The following MYBPC1 variants were observed in gnomAD, a reference collection of about 807,000 sequenced individuals.
MYBPC1 encodes myosin-binding protein C, slow-type.
In MYBPC1, 52 loss-of-function variants were observed where a neutral mutation model predicts 147.1. The observed-to-expected ratio is 0.35, with a 90% CI of 0.28 to 0.45. The LOEUF is 0.45. Among genes scored for constraint, MYBPC1 ranks in the 20% least tolerant of loss-of-function variants. The pLI, the probability that MYBPC1 is intolerant of heterozygous loss-of-function variation, is 1.00. For synonymous variants in MYBPC1, 477 were observed against 475.9 expected, an observed-to-expected ratio of 1.00 and a Z score of -0.03; for missense variants, 1,228 against 1,440.3, an observed-to-expected ratio of 0.85 and a Z score of 2.39.
the MYBPC1 span, among the ~76,000 whole-genome samples, chr12:101,693,609 C>G: frequency 6.6e-6 from 1 of 152,114 alleles, no homozygotes; most frequent in Non-Finnish European, 1.5e-5. Context: ...GGTGTGGTGG[C>G]ACATGCCTAT....
chr12:101,612,021 G>A (rs1324008706), intron 1 of MYBPC1, among the ~76,000 whole-genome samples: 1 of 149,930 alleles, frequency 6.7e-6, no homozygotes, highest in South Asian at 2.1e-4. Flanking sequence ...ACGTTGCAGT[G>A]AGCCAAGGTC....
chr12:101,665,357 G>A lies in MYBPC1; in HGVS notation c.2356+1797G>A, dbSNP rs556612187. On this transcript the variant is annotated intron_variant, in intron 22 of 31. Coordinates refer to ENST00000361466, the MANE Select transcript of MYBPC1 (RefSeq NM_002465.4). Reference sequence around the variant, plus strand: ...GCCGACTCTTCATTCTCTTTTAATGGCTGTTGTCCTCCAGACTAATTTTCT... The same window carrying A: ...GCCGACTCTTCATTCTCTTTTAATGACTGTTGTCCTCCAGACTAATTTTCT... Among the ~76,000 whole-genome samples the A allele has an allele frequency of 5.3e-5, 8 of 152,098 alleles. No homozygotes were observed. In the East Asian group the frequency reaches 1.5e-3, roughly 29 times the overall value.
At chr12:101,666,435 C>A in intron 22 of MYBPC1, 1 of 358,506 alleles carries the variant, frequency 2.8e-6, no homozygotes, top group Non-Finnish European at 5.3e-6. Context: ...TTGCTTTGTT[C>A]TTCTCTATCT....
chr12:101,611,981 G>C (rs1884447526), intron 1 of MYBPC1, among the ~76,000 whole-genome samples: 3 of 151,894 alleles, frequency 2.0e-5, no homozygotes, highest in African/African-American at 7.3e-5. Context: ...GGAGGCTGAG[G>C]CAGGAGAATT....
chr12:101,652,498 A>G (rs1894686161), intron 16 of MYBPC1, among the ~76,000 whole-genome samples, 180 bp from the exon 17 acceptor site: 1 of 152,138 alleles, frequency 6.6e-6, no homozygotes, highest in South Asian at 2.1e-4. Flanking sequence ...ATTTGAATCA[A>G]TAAGTAGGAT....
In MYBPC1 at chr12:101,685,589, C is replaced by T. The variant is rs908626131; in HGVS notation, c.*27C>T. 2.6e-6 allele frequency: 4 copies of T among 1,530,992 alleles called. No individual in the cohort carries two copies. In the African/African-American group the frequency reaches 4.1e-5, roughly 16 times the overall value. 94.8% of individuals were successfully genotyped at this position (1,530,992 alleles called of 1,614,324 possible). On this transcript the variant is annotated 3_prime_UTR_variant, in exon 32 of 32. Transcript: ENST00000361466. ...CCTTTTGGTCCTCTCTAGGTGGGCT[C>T]TCCTTCTGCAGACTCCTCTTGCAAG...
chr12:101,679,107 C>G (rs976058757), intron 28 of MYBPC1, among the ~76,000 whole-genome samples: 30 of 150,124 alleles, frequency 2.0e-4, no homozygotes, highest in African/African-American at 7.4e-4. Flanking sequence ...TGAGATAGCA[C>G]CACTGCACTC....
chr12:101,610,018 G>A (rs1052363641), intron 1 of MYBPC1, among the ~76,000 whole-genome samples: 17 of 152,146 alleles, frequency 1.1e-4, no homozygotes, highest in Admixed American at 1.1e-3. Flanking sequence ...ACCTGTCAGA[G>A]ACAAACATAT....
chr12:101,603,690 C>A (rs1402194234), intron 1 of MYBPC1, among the ~76,000 whole-genome samples: 1 of 152,166 alleles, frequency 6.6e-6, no homozygotes, highest in South Asian at 2.1e-4. Context: ...GCCTGTAATC[C>A]CAGCATTTTG....
chr12:101,687,513 G>T (rs143230200), downstream of MYBPC1, among the ~76,000 whole-genome samples: 684 of 152,178 alleles, frequency 4.5e-3, 3 homozygotes, highest in African/African-American at 0.015. Context: ...GAGTAGTGCC[G>T]CAATAAACAT....
intron 22 of MYBPC1, 39 bp downstream of exon 22, chr12:101,663,599 A>G (rs760618227): frequency 1.7e-5 from 28 of 1,600,854 alleles, no homozygotes; most frequent in African/African-American, 6.7e-5. Flanking sequence ...ACTGTCATCA[A>G]TAGGTGAGAT....
chr12:101,675,163 C>T, intron 25 of MYBPC1, 129 bp from the exon 26 acceptor site: 2 of 1,282,554 alleles, frequency 1.6e-6, no homozygotes, highest in Non-Finnish European at 2.2e-6. Flanking sequence ...CAGAAGCCCC[C>T]ATGGTAGGGT....
At chr12:101,646,915 A>C (rs1893273079) in intron 13 of MYBPC1, 28 bp downstream of exon 13, 1 of 1,613,682 alleles carries the variant, frequency 6.2e-7, no homozygotes. Flanking sequence ...TATTGTGGTC[A>C]CCAGGAGCTG....
chr12:101,628,476 T>G (rs1353328858), intron 5 of MYBPC1, among the ~76,000 whole-genome samples: 1 of 152,226 alleles, frequency 6.6e-6, no homozygotes, highest in Non-Finnish European at 1.5e-5. Flanking sequence ...GATGGCCTAC[T>G]ACTACAGATA....
intron 1 of MYBPC1, among the ~76,000 whole-genome samples, chr12:101,611,080 T>C (rs973456006): frequency 5.9e-5 from 9 of 152,260 alleles, no homozygotes; most frequent in African/African-American, 1.9e-4. Context: ...TCACTGGCTA[T>C]AAAGTAAAGA....
intron 1 of MYBPC1, among the ~76,000 whole-genome samples, chr12:101,610,624 C>T (rs1883926065): frequency 6.6e-6 from 1 of 152,202 alleles, no homozygotes; most frequent in African/African-American, 2.4e-5. Flanking sequence ...GCATTCATTC[C>T]TGCCAATAAC....
At chr12:101,603,277 G>C (rs367710826) in intron 1 of MYBPC1, among the ~76,000 whole-genome samples, 1 of 151,960 alleles carries the variant, frequency 6.6e-6, no homozygotes, top group South Asian at 2.1e-4. Flanking sequence ...CTGGGAGAAC[G>C]GAGGTTGTGG....
At chr12:101,675,492 G>A (rs1899754447) in intron 26 of MYBPC1, 61 bp downstream of exon 26, 4 of 1,608,678 alleles carry the variant, frequency 2.5e-6, no homozygotes, top group Non-Finnish European at 1.7e-6. Context: ...AGAGGTAAAG[G>A]AGATGGCACA....
At chr12:101,615,655 A>AAC (rs1885699608) in intron 2 of MYBPC1, among the ~76,000 whole-genome samples, 1 of 48,170 alleles carries the variant, frequency 2.1e-5, no homozygotes, top group Non-Finnish European at 3.5e-5. Flanking sequence ...TATTATAAGA[A>AAC]CCCCCCGCCC....
Sources: allele counts gnomAD v4.1 joint callset (sites outside exome capture counted in the v4.1 genomes callset), GRCh38; gene constraint gnomAD v4.1.1; transcripts MANE v1.5; gene names NCBI Gene and HGNC (gene_info 2026-07-23, HGNC 2026-07-21).